The following KIF3B variants were observed in gnomAD, a reference collection of about 807,000 sequenced individuals.
KIF3B encodes kinesin family member 3B.
In KIF3B, 38 loss-of-function variants were observed where a neutral mutation model predicts 74.3. The ratio of observed to expected loss-of-function variants is 0.51; its 90% confidence interval spans 0.39 to 0.67. The LOEUF is 0.67. Among genes scored for constraint, KIF3B ranks in the 30% least tolerant of loss-of-function variants. The probability of loss-of-function intolerance (pLI) is 0.00; values close to 1 mark genes in which losing one functional copy is unlikely to be tolerated. For missense variants in KIF3B, 649 were observed against 932.0 expected (o/e 0.70, Z 3.95); for synonymous variants, 326 against 342.5 (o/e 0.95, Z 0.53).
At position 32,310,737 on chromosome 20, in the gene KIF3B, C is replaced by T. The variant is rs2047795856; in HGVS notation, c.960C>T (p.Ala320=). 1 of 1,614,160 alleles carries T rather than the reference C, an allele frequency of 6.2e-7. No homozygotes were observed. The change falls in exon 2 of 9, where the codon GCC becomes GCT. Residue 320 remains alanine, a synonymous_variant. Transcript: ENST00000375712. The surrounding 1 kb of genome is among the most constrained non-coding windows in gnomAD (Gnocchi z 6.5). The part of the protein sequence containing the change: ...KTVMVANVGP[A]SYNVEETLTT... Reference sequence around the variant, plus strand: ...TGATGGTGGCCAACGTGGGGCCTGCCTCTTACAACGTAGAAGAGACTCTGA... The same window carrying T: ...TGATGGTGGCCAACGTGGGGCCTGCTTCTTACAACGTAGAAGAGACTCTGA...
intron 1 of KIF3B, among the ~76,000 whole-genome samples, chr20:32,304,977 C>T (rs916190206): frequency 1.3e-5 from 2 of 150,586 alleles, no homozygotes; most frequent in African/African-American, 2.4e-5. Flanking sequence ...CCTGTCTCTA[C>T]TAAAAAAAAA....
intron 2 of KIF3B, among the ~76,000 whole-genome samples, chr20:32,312,003 A>G (rs113544867): frequency 0.01 from 1,535 of 151,426 alleles, 20 homozygotes; most frequent in African/African-American, 0.035. Flanking sequence ...GGGTTTCACT[A>G]TGTTGGCCTG....
chr20:32,306,711 C>T (rs1390119942), intron 1 of KIF3B, among the ~76,000 whole-genome samples: 1 of 149,662 alleles, frequency 6.7e-6, no homozygotes, highest in Non-Finnish European at 1.5e-5. Context: ...TCTCCTGTCT[C>T]AGCCTCCCAA....
At chr20:32,290,508 T>C (rs2047686246) in intron 1 of KIF3B, among the ~76,000 whole-genome samples, 1 of 152,170 alleles carries the variant, frequency 6.6e-6, no homozygotes, top group African/African-American at 2.4e-5. Flanking sequence ...CCTCTGCCCA[T>C]AGCATTATTC....
intron 1 of KIF3B, among the ~76,000 whole-genome samples, chr20:32,278,480 C>T (rs878881809): frequency 3.3e-5 from 5 of 152,144 alleles, no homozygotes; most frequent in Admixed American, 6.6e-5. Flanking sequence ...GAGGGCAAGA[C>T]TTCCAGGAGG....
intron 1 of KIF3B, among the ~76,000 whole-genome samples, chr20:32,292,583 GAAAAA>G (rs71185398): frequency 1.4e-4 from 10 of 71,828 alleles, no homozygotes; most frequent in South Asian, 6.3e-4. Flanking sequence ...ACTAAAAATA[GAAAAA>G]AAAAAAAAAA....
intron 1 of KIF3B, among the ~76,000 whole-genome samples, chr20:32,281,418 A>G (rs2047642384): frequency 6.6e-6 from 1 of 152,242 alleles, no homozygotes; most frequent in African/African-American, 2.4e-5. Context: ...GCCTGGAGAT[A>G]TCATGGTAGA....
intron 5 of KIF3B, among the ~76,000 whole-genome samples, chr20:32,324,924 C>T (rs536025592): frequency 1.5e-4 from 23 of 152,090 alleles, no homozygotes; most frequent in African/African-American, 4.8e-4. Context: ...TCAGCTACTC[C>T]GGGGGCTGAG....
chr20:32,307,973 G>A (rs1001130598), intron 1 of KIF3B, among the ~76,000 whole-genome samples: 2 of 150,108 alleles, frequency 1.3e-5, no homozygotes, highest in African/African-American at 2.5e-5. Context: ...GGTGGCTCAC[G>A]CCTATAATCC....
rs749540746 is a variant in KIF3B at position 32,334,687 on chromosome 20, C to T, written c.*3368C>T. On this transcript the variant is annotated 3_prime_UTR_variant, in exon 9 of 9. Coordinates refer to ENST00000375712, the MANE Select transcript of KIF3B (RefSeq NM_004798.4). ...TAGTGGGCCTGGTGATTGTCTATCA[C>T]GCAAGGCTTTGTTTTGTACTGTTCA... 7 of 152,232 alleles carry T rather than the reference C, an allele frequency of 4.6e-5. No homozygotes were observed. The highest frequency in any genetic ancestry group is 2.0e-4 in the Admixed American group (3 of 15,268). The allele number at this position is 152,232 out of a possible 1,614,324, so 9.4% of individuals were successfully genotyped here. A position where few individuals can be genotyped will look rare whatever the true frequency, so the allele number is the denominator to read the frequency against.
At position 32,316,517 on chromosome 20, in the gene KIF3B, T is replaced by C. The variant is rs1200701140; in HGVS notation, c.1507-10T>C. The C allele has an allele frequency of 1.2e-6, 2 of 1,613,844 alleles. No individual in the cohort carries two copies. The highest frequency in any genetic ancestry group is 1.7e-5 in the Admixed American group (1 of 59,936). ...TAGGGCAAGCTGATGAATTTTGTCA[T>C]GTTGCTCAGAAACGTCGAGAAAGAG... is the stretch of plus-strand genomic sequence containing the variant. On this transcript the variant is annotated splice_polypyrimidine_tract_variant and intron_variant, in intron 3 of 8. Transcript: ENST00000375712.
At chr20:32,295,283 G>GC (rs950026738) in intron 1 of KIF3B, among the ~76,000 whole-genome samples, 5 of 151,126 alleles carry the variant, frequency 3.3e-5, no homozygotes, top group South Asian at 2.1e-4. Context: ...AAAAGGTGAC[G>GC]CCCCCCGCCC....
intron 5 of KIF3B, among the ~76,000 whole-genome samples, chr20:32,319,582 G>GTTTTTTTTTTTTTTTTTTTTT (rs34028388): frequency 1.5e-3 from 137 of 91,998 alleles, no homozygotes; most frequent in East Asian, 2.8e-3. Context: ...TTTTGTTTTT[G>GTTTTTTTTTTTTTTTTTTTTT]TTTTTTTTTT....
chr20:32,285,508 G>C (rs1406836292), intron 1 of KIF3B, among the ~76,000 whole-genome samples: 1 of 152,112 alleles, frequency 6.6e-6, no homozygotes, highest in African/African-American at 2.4e-5. Context: ...CTCTCAGAAA[G>C]ATATATTGGT....
At chr20:32,319,890 A>G (rs2047850536) in intron 5 of KIF3B, among the ~76,000 whole-genome samples, 1 of 145,642 alleles carries the variant, frequency 6.9e-6, no homozygotes, top group Non-Finnish European at 1.5e-5. Context: ...CCAGCCAATA[A>G]TTAAGTTTTA....
intron 1 of KIF3B, among the ~76,000 whole-genome samples, chr20:32,299,661 G>C (rs4911214): frequency 0.67 from 100,982 of 151,198 alleles, 35,249 homozygotes; most frequent in East Asian, 0.99. Context: ...ATCCTCCGGC[G>C]TCAGCCTCCC....
At chr20:32,285,796 T>C (rs2047665078) in intron 1 of KIF3B, among the ~76,000 whole-genome samples, 1 of 152,180 alleles carries the variant, frequency 6.6e-6, no homozygotes, top group Non-Finnish European at 1.5e-5. Context: ...CCCAGACCTT[T>C]CGGGTGTGGC....
chr20:32,297,077 G>A (rs1001028700), intron 1 of KIF3B, among the ~76,000 whole-genome samples: 11 of 152,056 alleles, frequency 7.2e-5, no homozygotes, highest in African/African-American at 2.7e-4. Flanking sequence ...GGTTTAGGCT[G>A]CTTAGCAGGG....
intron 2 of KIF3B, among the ~76,000 whole-genome samples, chr20:32,312,375 G>A (rs1600431011): frequency 6.6e-6 from 1 of 152,070 alleles, no homozygotes; most frequent in South Asian, 2.1e-4. Context: ...AAAGTGCTGG[G>A]ATTACAGGCG....
Sources: allele counts gnomAD v4.1 joint callset (sites outside exome capture counted in the v4.1 genomes callset), GRCh38; gene constraint gnomAD v4.1.1; non-coding constraint Gnocchi (gnomAD v3.1); transcripts MANE v1.5; gene names NCBI Gene and HGNC (gene_info 2026-07-23, HGNC 2026-07-21).